Variants in RPAIN observed in about 807,000 individuals in gnomAD.
RPAIN encodes the protein RPA interacting protein.
In RPAIN, 29 loss-of-function variants were observed where a neutral mutation model predicts 30.5. That is an observed-to-expected ratio of 0.95 (90% CI 0.71 to 1.30). The LOEUF is 1.30. Among genes scored for constraint, RPAIN ranks in the 50% most tolerant of loss-of-function variants. The probability of loss-of-function intolerance (pLI) is 0.00; values close to 1 mark genes in which losing one functional copy is unlikely to be tolerated. For synonymous variants in RPAIN, 101 were observed against 93.5 expected (o/e 1.08, Z -0.46); for missense variants, 247 against 264.7 (o/e 0.93, Z 0.46).
At chr17:5,429,368 T>C (rs1459816179) in intron 6 of RPAIN, 1 of 985,334 alleles carries the variant, frequency 1.0e-6, no homozygotes, top group African/African-American at 1.7e-5. Context: ...AACTGGAGTA[T>C]ATACAAAGAG....
At chr17:5,424,542 T>C (rs1180345340) in intron 3 of RPAIN, among the ~76,000 whole-genome samples, 2 of 152,184 alleles carry the variant, frequency 1.3e-5, no homozygotes, top group Admixed American at 6.5e-5. Context: ...TATAGAGAGC[T>C]TTCAATAATC....
At chr17:5,431,376 A>G (rs2151672763) in intron 6 of RPAIN, 1 of 444,728 alleles carries the variant, frequency 2.2e-6, no homozygotes, top group Non-Finnish European at 4.5e-6. Flanking sequence ...ACTCCCAGCT[A>G]CTCGGAAGGC....
intron 6 of RPAIN, chr17:5,431,788 C>A: frequency 2.6e-6 from 1 of 379,818 alleles, no homozygotes; most frequent in Non-Finnish European, 5.2e-6. Flanking sequence ...ATGGAATATG[C>A]CAAACCGCCT....
chr17:5,428,326 C>T, intron 6 of RPAIN, 115 bp downstream of exon 6: 1 of 1,559,636 alleles, frequency 6.4e-7, no homozygotes, highest in Non-Finnish European at 8.7e-7. Flanking sequence ...AGTTTATTAT[C>T]TGAGGAATTT....
chr17:5,429,570 C>T (rs1915714616), intron 6 of RPAIN: 2 of 985,266 alleles, frequency 2.0e-6, no homozygotes, highest in Admixed American at 6.1e-5. Flanking sequence ...AGGCTCAGGC[C>T]TTGGTGGAAG....
At chr17:5,421,111 G>A (rs4578712) in intron 1 of RPAIN, among the ~76,000 whole-genome samples, 185 bp from the exon 2 acceptor site, 45,332 of 152,134 alleles carry the variant, frequency 0.3, 7,987 homozygotes, top group East Asian at 0.82. Flanking sequence ...TTGTAAATAC[G>A]TGTACAAAGC....
chr17:5,426,103 T>C (rs1915361338), intron 4 of RPAIN, 21 bp downstream of exon 4: 1 of 1,588,356 alleles, frequency 6.3e-7, no homozygotes, highest in African/African-American at 1.3e-5. Context: ...TTAAAACCTT[T>C]TCAGCATTAT....
At chr17:5,427,078 A>C (rs552834872) in intron 5 of RPAIN, 2 of 152,282 alleles carry the variant, frequency 1.3e-5, no homozygotes, top group African/African-American at 4.8e-5. Context: ...CAAACACATA[A>C]ATTTATTTGC....
chr17:5,431,883 C>T (rs986640717), intron 6 of RPAIN: 2 of 324,694 alleles, frequency 6.2e-6, no homozygotes, highest in Non-Finnish European at 1.2e-5. Context: ...CCACTTATGC[C>T]TACTGTTTAA....
intron 5 of RPAIN, 183 bp downstream of exon 5, chr17:5,426,482 A>C (rs993408299): frequency 1.6e-6 from 1 of 637,636 alleles, no homozygotes; most frequent in African/African-American, 1.8e-5. Flanking sequence ...AAAATTGGCA[A>C]ACAGTACACA....
rs991423054 is a variant in RPAIN at position 5,432,758 on chromosome 17, T to C, written c.*187T>C. On this transcript the variant is annotated 3_prime_UTR_variant, in exon 7 of 7. Transcript: ENST00000381209. ...GTGACGCAGGTTGAAGGGGGAGGAA[T>C]AGAAAAAGACAAACTGCCTTGGAGG... The C allele has an allele frequency of 2.0e-5, 15 of 765,770 alleles. No individual in the cohort carries two copies. The highest frequency in any genetic ancestry group is 3.5e-5 in the African/African-American group (2 of 56,936). The allele number at this position is 765,770 out of a possible 1,614,324, so 47.4% of individuals were successfully genotyped here.
chr17:5,428,917 A>G, intron 6 of RPAIN: 1 of 980,892 alleles, frequency 1.0e-6, no homozygotes, highest in Non-Finnish European at 1.2e-6. Flanking sequence ...TTCTACTGGG[A>G]ATTTAGAATT....
chr17:5,428,611 G>C, intron 6 of RPAIN: 2 of 948,422 alleles, frequency 2.1e-6, no homozygotes, highest in Non-Finnish European at 2.7e-6. Context: ...TGTCAGTGGA[G>C]TTTTTACAGA....
chr17:5,431,219 G>T (rs1337363593), intron 6 of RPAIN: 1 of 345,354 alleles, frequency 2.9e-6, no homozygotes, highest in Non-Finnish European at 5.6e-6. Context: ...AGGCACTGTG[G>T]TTCACACCTG....
intron 5 of RPAIN, chr17:5,426,615 T>A: frequency 8.5e-6 from 2 of 234,088 alleles, no homozygotes; most frequent in Non-Finnish European, 1.7e-5. Context: ...AAGACATACC[T>A]AATTCAGAAT....
intron 6 of RPAIN, chr17:5,429,808 G>T (rs558930128): frequency 1.7e-4 from 168 of 965,548 alleles, no homozygotes; most frequent in Non-Finnish European, 2.0e-4. Flanking sequence ...AGGATCATTT[G>T]CACAAATATT....
intron 6 of RPAIN, chr17:5,431,817 T>C (rs1915986061): frequency 2.8e-6 from 1 of 356,072 alleles, no homozygotes; most frequent in Non-Finnish European, 5.5e-6. Flanking sequence ...AGTTACAGTG[T>C]CTTTTAGAGA....
intron 3 of RPAIN, among the ~76,000 whole-genome samples, chr17:5,425,682 C>G (rs1242732543): frequency 6.6e-6 from 1 of 152,136 alleles, no homozygotes; most frequent in Admixed American, 6.6e-5. Flanking sequence ...CTGTGGGACC[C>G]TGACATTCTG....
chr17:5,422,860 G>C (rs1463883511), intron 3 of RPAIN, 31 bp downstream of exon 3: 1 of 1,514,308 alleles, frequency 6.6e-7, no homozygotes, highest in Admixed American at 1.7e-5. Context: ...TTCCTTACCT[G>C]TATTTAGCTA....
Sources: allele counts gnomAD v4.1 joint callset (sites outside exome capture counted in the v4.1 genomes callset), GRCh38; gene constraint gnomAD v4.1.1; transcripts MANE v1.5; gene names NCBI Gene and HGNC (gene_info 2026-07-23, HGNC 2026-07-21).